EGFL6: variants seen among roughly 807,000 people sequenced by gnomAD.
EGFL6 encodes the protein EGF like domain multiple 6.
Under a neutral mutation model 43.1 loss-of-function variants are expected in EGFL6, and 42 were observed. That is an observed-to-expected ratio of 0.98 (90% CI 0.76 to 1.26). The LOEUF is 1.26. Ranked by LOEUF, EGFL6 falls within the 50% of genes most tolerant of loss-of-function variation. EGFL6 has a pLI of 0.00. For synonymous variants in EGFL6, 164 were observed against 163.2 expected, an observed-to-expected ratio of 1.01 and a Z score of -0.04; for missense variants, 429 against 427.8, an observed-to-expected ratio of 1.00 and a Z score of -0.02.
At chrX:13,603,255 T>G (rs2045643068) in intron 4 of EGFL6, 62 bp from the exon 5 acceptor site, 1 of 1,112,306 alleles carries the variant, frequency 9.0e-7, no homozygotes, top group African/African-American at 1.9e-5. Flanking sequence ...TGGTGATAGT[T>G]TCTTAGTAAG....
chrX:13,586,950 T>C (rs1478998099), intron 1 of EGFL6, among the ~76,000 whole-genome samples: 4 of 112,415 alleles, frequency 3.6e-5, no homozygotes, highest in Non-Finnish European at 7.5e-5. Flanking sequence ...CTTGAAAACA[T>C]ACTAAGTTAA....
chrX:13,573,907 AC>A (rs1232989131), intron 1 of EGFL6, among the ~76,000 whole-genome samples: 1 of 112,595 alleles, frequency 8.9e-6, no homozygotes, highest in Admixed American at 9.4e-5. Flanking sequence ...CTAGTTCAGC[AC>A]ATTCAAGGGA....
chrX:13,600,280 C>CTTTTTTTTTTTT (rs1231725425), intron 4 of EGFL6, among the ~76,000 whole-genome samples, 186 bp downstream of exon 4: 16 of 44,278 alleles, frequency 3.6e-4, no homozygotes, highest in Non-Finnish European at 4.5e-4. Context: ...TTTCTTTCTT[C>CTTTTTTTTTTTT]TTTTTTTTTT....
At chrX:13,605,531 G>C (rs2045655304) in intron 5 of EGFL6, among the ~76,000 whole-genome samples, 1 of 103,899 alleles carries the variant, frequency 9.6e-6, no homozygotes, top group Admixed American at 1.1e-4. Context: ...AGTGAGCCAT[G>C]ATTGTTCTGC....
intron 3 of EGFL6, among the ~76,000 whole-genome samples, chrX:13,595,922 G>T (rs892126318): frequency 9.1e-6 from 1 of 110,234 alleles, no homozygotes; most frequent in Non-Finnish European, 1.9e-5. Context: ...GTCCCACTAC[G>T]TTGCCCAGGC....
chrX:13,608,898 C>A lies in EGFL6; in HGVS notation c.778+452C>A, dbSNP rs1470610936. Among the ~76,000 whole-genome samples, 3 of 112,432 alleles carry A rather than the reference C, an allele frequency of 2.7e-5. No individual in the cohort carries two copies. In the Admixed American group the frequency reaches 2.8e-4, roughly 11 times the overall value. On this transcript the variant is annotated intron_variant, in intron 7 of 11. Coordinates refer to ENST00000361306, the MANE Select transcript of EGFL6 (RefSeq NM_015507.4). ...AATGCACAACCAAAACAAAGTAAGG[C>A]AAAGCTGATCTTCATTAAAGTATGA... is the stretch of plus-strand genomic sequence containing the variant.
intron 6 of EGFL6, among the ~76,000 whole-genome samples, chrX:13,607,068 C>T (rs971593691): frequency 8.9e-6 from 1 of 111,945 alleles, no homozygotes; most frequent in African/African-American, 3.2e-5. Context: ...ACCAAAATTG[C>T]TCTCTGATAA....
rs933701030 is a variant in EGFL6, at chrX:13,633,527, C to G, written c.*432C>G. 1 of 112,982 alleles carries G rather than the reference C, an allele frequency of 8.9e-6. No individual in the cohort carries two copies. The highest frequency in any genetic ancestry group is 1.9e-5 in the Non-Finnish European group (1 of 53,845). 9.3% of individuals were successfully genotyped at this position (112,982 alleles called of 1,213,427 possible). On this transcript the variant is annotated 3_prime_UTR_variant, in exon 12 of 12. Coordinates refer to ENST00000361306, the MANE Select transcript of EGFL6 (RefSeq NM_015507.4). Reference sequence around the variant, plus strand: ...AGTGGCTTAGCTGGGTCTTTCATAGCCAAACTTGTATATTTAAATTCTTTG... The same window carrying G: ...AGTGGCTTAGCTGGGTCTTTCATAGGCAAACTTGTATATTTAAATTCTTTG...
intron 2 of EGFL6, among the ~76,000 whole-genome samples, chrX:13,590,818 A>G (rs2045559042): frequency 8.9e-6 from 1 of 112,412 alleles, no homozygotes; most frequent in East Asian, 2.8e-4. Context: ...AACAAAGATC[A>G]TCATTGCCCA....
chrX:13,627,382 G>A lies in EGFL6; in HGVS notation c.1551+106G>A, dbSNP rs373313603. On this transcript the variant is annotated intron_variant, in intron 11 of 11. Transcript: ENST00000361306. ...AGTATGTAGGCATTAAGGATACAACGATAAGACTTTTTCCCTACACTTAAA... is the reference window on the plus strand; with the variant it reads ...AGTATGTAGGCATTAAGGATACAACAATAAGACTTTTTCCCTACACTTAAA... The A allele has an allele frequency of 3.8e-5, 39 of 1,016,135 alleles. No homozygotes were observed. The South Asian group carries it at 4.2e-4, about 11-fold the overall frequency. 83.7% of individuals were successfully genotyped at this position (1,016,135 alleles called of 1,213,427 possible).
chrX:13,614,388 G>C (rs977556139), intron 7 of EGFL6, among the ~76,000 whole-genome samples: 21 of 111,799 alleles, frequency 1.9e-4, no homozygotes, highest in Middle Eastern at 4.6e-3. Context: ...CTGTGATTAA[G>C]CTTCTTCTTC....
chrX:13,602,687 A>G (rs1410947710), intron 4 of EGFL6, among the ~76,000 whole-genome samples: 2 of 111,752 alleles, frequency 1.8e-5, no homozygotes, highest in African/African-American at 6.5e-5. Flanking sequence ...CACTCCCTCC[A>G]GTGGACTTAT....
intron 1 of EGFL6, among the ~76,000 whole-genome samples, chrX:13,585,364 T>C (rs2045528337): frequency 8.9e-6 from 1 of 112,190 alleles, no homozygotes; most frequent in South Asian, 3.7e-4. Flanking sequence ...AAAGGGAACA[T>C]CTGGGACCCT....
At chrX:13,591,210 T>A (rs780504126) in intron 2 of EGFL6, among the ~76,000 whole-genome samples, 1 of 111,894 alleles carries the variant, frequency 8.9e-6, no homozygotes, top group Non-Finnish European at 1.9e-5. Context: ...AGACACAACA[T>A]AACACATTTT....
chrX:13,610,898 G>A (rs2045685586), intron 7 of EGFL6, among the ~76,000 whole-genome samples: 1 of 111,080 alleles, frequency 9.0e-6, no homozygotes, highest in Non-Finnish European at 1.9e-5. Context: ...TATTGAGGTA[G>A]GGTAGACAGT....
chrX:13,622,064 T>A (rs1250215968), intron 9 of EGFL6, among the ~76,000 whole-genome samples: 2 of 112,550 alleles, frequency 1.8e-5, no homozygotes, highest in Non-Finnish European at 3.8e-5. Context: ...ATTTGTGGGA[T>A]AATAACATCA....
At chrX:13,632,071 T>G (rs1041542404) in intron 11 of EGFL6, among the ~76,000 whole-genome samples, 82 of 110,694 alleles carry the variant, frequency 7.4e-4, no homozygotes, top group African/African-American at 2.7e-3. Flanking sequence ...AAAGTGATTA[T>G]AGCATATTAT....
chrX:13,605,234 G>A (rs761828468), intron 5 of EGFL6, among the ~76,000 whole-genome samples: 6 of 111,002 alleles, frequency 5.4e-5, no homozygotes, highest in South Asian at 7.6e-4. Flanking sequence ...AAATGCAAGA[G>A]GCCAGCCTGG....
At chrX:13,575,764 A>G (rs1202471320) in intron 1 of EGFL6, among the ~76,000 whole-genome samples, 1 of 113,023 alleles carries the variant, frequency 8.8e-6, no homozygotes, top group African/African-American at 3.2e-5. Flanking sequence ...GGGGGTTTTA[A>G]GCAGGAAATG....
Sources: gnomAD v4.1 joint callset for allele counts (sites outside exome capture counted in the v4.1 genomes callset) on GRCh38, gnomAD v4.1.1 for gene constraint, MANE v1.5 for transcripts, NCBI Gene and HGNC (gene_info 2026-07-23, HGNC 2026-07-21) for gene names.